Variants in FSTL1 observed in about 807,000 individuals in gnomAD.
FSTL1 encodes the protein follistatin like 1, also known as follistatin-related protein 1.
A neutral mutation model predicts 45.9 loss-of-function variants in FSTL1; 24 were observed. That is an observed-to-expected ratio of 0.52 (90% CI 0.38 to 0.74). The LOEUF is 0.74. FSTL1 is among the 30% of genes least tolerant of loss of function. The pLI is 0.00. For missense variants in FSTL1, 340 were observed against 381.8 expected (o/e 0.89, Z 0.91); for synonymous variants, 120 against 137.6 (o/e 0.87, Z 0.89).
chr3:120,436,300 T>C (rs1937558172), intron 2 of FSTL1, among the ~76,000 whole-genome samples: 1 of 152,164 alleles, frequency 6.6e-6, no homozygotes, highest in Admixed American at 6.5e-5. Flanking sequence ...GTACTGAAAT[T>C]ATTATACCCA....
chr3:120,397,021 C>T (rs150872189), intron 10 of FSTL1, 25 bp from the exon 11 acceptor site: 20 of 1,579,868 alleles, frequency 1.3e-5, no homozygotes, highest in East Asian at 1.1e-4. Context: ...AGAAAATAGG[C>T]GTCATGGAAA....
chr3:120,446,733 T>A (rs1436879547), intron 2 of FSTL1, among the ~76,000 whole-genome samples: 1 of 152,162 alleles, frequency 6.6e-6, no homozygotes, highest in Non-Finnish European at 1.5e-5. Context: ...CTCCCAAATA[T>A]AACCCCTAGT....
At chr3:120,427,333 G>T (rs2107664178) in intron 2 of FSTL1, among the ~76,000 whole-genome samples, 1 of 152,212 alleles carries the variant, frequency 6.6e-6, no homozygotes, top group African/African-American at 2.4e-5. Flanking sequence ...CTGACTGTGT[G>T]GATTTTGTCT....
rs565515772 is a variant in FSTL1 at position 120,420,878 on chromosome 3, T to C, written c.64-4851A>G. On this transcript the variant is annotated intron_variant, in intron 2 of 10. Transcript: ENST00000295633. Reference sequence around the variant, plus strand: ...CTCCAGACTTTAATCCCAGCCTCTTTCCACTAAACCACTCTACCTCTTTAC... The same window carrying C: ...CTCCAGACTTTAATCCCAGCCTCTTCCCACTAAACCACTCTACCTCTTTAC... 5.9e-5 allele frequency among the ~76,000 whole-genome samples: 9 copies of C among 152,336 alleles called. No individual in the cohort carries two copies. In the South Asian group the frequency reaches 1.9e-3, roughly 32 times the overall value.
chr3:120,431,383 T>C (rs1203468203), intron 2 of FSTL1, among the ~76,000 whole-genome samples: 2 of 152,204 alleles, frequency 1.3e-5, no homozygotes, highest in Non-Finnish European at 2.9e-5. Flanking sequence ...ATCAATAATA[T>C]GGAGATATTT....
Position 120,441,970 on chromosome 3 carries a change from A to T in FSTL1, c.63+8714T>A, listed in dbSNP as rs188065552. On this transcript the variant is annotated intron_variant, in intron 2 of 10. Coordinates refer to ENST00000295633, the MANE Select transcript of FSTL1 (RefSeq NM_007085.5). The stretch of plus-strand genomic sequence containing the variant: ...TCTGAGCGCTAAGCCATTATGTTAT[A>T]CTTCCTCTCGAGGAAAAATCAGTAA... Among the ~76,000 whole-genome samples the T allele has an allele frequency of 2.6e-4, 40 of 152,328 alleles. 2 individuals are homozygous for T. Among genetic ancestry groups the T allele is most frequent in the Admixed American group, 2.3e-3 (35 of 15,306 alleles).
At chr3:120,437,585 T>A (rs1487697556) in intron 2 of FSTL1, among the ~76,000 whole-genome samples, 1 of 152,160 alleles carries the variant, frequency 6.6e-6, no homozygotes, top group Non-Finnish European at 1.5e-5. Flanking sequence ...TGTGTGTGCA[T>A]GTCTCCTTGT....
intron 9 of FSTL1, 28 bp downstream of exon 9, chr3:120,402,780 T>C (rs1936851217): frequency 7.5e-7 from 1 of 1,325,856 alleles, no homozygotes; most frequent in South Asian, 1.2e-5. Context: ...CCTTGCTGTT[T>C]TTTCTTTCTG....
At position 120,395,342 on chromosome 3, in the gene FSTL1, A is replaced by G; in HGVS notation, c.*1610T>C. 1 of 262,228 alleles carries G rather than the reference A, an allele frequency of 3.8e-6. No homozygotes were observed. The highest frequency in any genetic ancestry group is 4.1e-5 in the South Asian group (1 of 24,606). 16.2% of individuals were successfully genotyped at this position (262,228 alleles called of 1,614,324 possible). A position where few individuals can be genotyped will look rare whatever the true frequency, so the allele number is the denominator to read the frequency against. ...GGTAGTGAGTGGGGTTAATAATCAC[A>G]GAAGTCGAAAGACACAGGACTAACT... On this transcript the variant is annotated 3_prime_UTR_variant, in exon 11 of 11. Transcript: ENST00000295633.
intron 2 of FSTL1, among the ~76,000 whole-genome samples, chr3:120,435,630 A>G (rs939005062): frequency 6.6e-6 from 1 of 152,232 alleles, no homozygotes; most frequent in South Asian, 2.1e-4. Flanking sequence ...CTGAGCCCCA[A>G]ATACATGCAC....
chr3:120,422,360 G>GT (rs1253864239), intron 2 of FSTL1, among the ~76,000 whole-genome samples: 4 of 152,156 alleles, frequency 2.6e-5, no homozygotes, highest in Non-Finnish European at 4.4e-5. Context: ...ACACAAAATG[G>GT]TAACTATGTA....
At position 120,433,290 on chromosome 3, in the gene FSTL1, A is replaced by C. The variant is rs113737216; in HGVS notation, c.64-17263T>G. 1.8e-3 allele frequency among the ~76,000 whole-genome samples: 271 copies of C among 152,322 alleles called. 2 individuals carry two copies. The highest frequency in any genetic ancestry group is 6.4e-3 in the African/African-American group (267 of 41,572). On this transcript the variant is annotated intron_variant, in intron 2 of 10. Transcript: ENST00000295633. ...AGACTTAGAATCCAGGTGTCTGATT[A>C]AGCAAGCCCAGCACTACTATCATGT...
intron 2 of FSTL1, among the ~76,000 whole-genome samples, chr3:120,422,914 C>T (rs1187190307): frequency 6.6e-6 from 1 of 152,136 alleles, no homozygotes; most frequent in Non-Finnish European, 1.5e-5. Flanking sequence ...AGGCTGGTCT[C>T]GAATTCCTGA....
At chr3:120,413,964 G>A (rs1290738179) in intron 3 of FSTL1, among the ~76,000 whole-genome samples, 1 of 152,004 alleles carries the variant, frequency 6.6e-6, no homozygotes, top group Admixed American at 6.5e-5. Context: ...ACTGGTTTTG[G>A]TGGAGACGGG....
rs755090190 is a variant in FSTL1 at position 120,403,380 on chromosome 3, G to A, written c.582-26C>T. On this transcript the variant is annotated intron_variant, in intron 7 of 10. Coordinates refer to ENST00000295633, the MANE Select transcript of FSTL1 (RefSeq NM_007085.5). The stretch of plus-strand genomic sequence containing the variant: ...CTGAAACAAAACACAGGAGAAATGT[G>A]TTAGCAAGACCTCAGCTTCGCTCAG... The A allele has an allele frequency of 3.3e-5, 44 of 1,344,256 alleles. No homozygotes were observed. In the South Asian group the frequency reaches 5.1e-4, roughly 16 times the overall value. 83.3% of individuals were successfully genotyped at this position (1,344,256 alleles called of 1,614,324 possible).
At chr3:120,434,952 C>T (rs1476647764) in intron 2 of FSTL1, among the ~76,000 whole-genome samples, 5 of 152,208 alleles carry the variant, frequency 3.3e-5, no homozygotes, top group African/African-American at 1.2e-4. Flanking sequence ...GGCACGGTGG[C>T]TCATGCCTAT....
intron 6 of FSTL1, among the ~76,000 whole-genome samples, chr3:120,409,231 T>C (rs1182309658): frequency 6.6e-6 from 1 of 152,216 alleles, no homozygotes; most frequent in African/African-American, 2.4e-5. Context: ...TAAGGTGTCA[T>C]GGCGAGTAGG....
At chr3:120,433,203 C>G (rs1733299) in intron 2 of FSTL1, among the ~76,000 whole-genome samples, 90,728 of 152,074 alleles carry the variant, frequency 0.6, 29,972 homozygotes, top group East Asian at 0.79. Flanking sequence ...TGGAAGGAAA[C>G]AATAAAAATA....
chr3:120,442,788 GAAAAAAAA>G (rs749297340), intron 2 of FSTL1, among the ~76,000 whole-genome samples: 1 of 53,264 alleles, frequency 1.9e-5, no homozygotes, highest in South Asian at 7.2e-4. Context: ...TCTCAAAAAA[GAAAAAAAA>G]AAAAAAAAAA....
Sources: gnomAD v4.1 joint callset for allele counts (sites outside exome capture counted in the v4.1 genomes callset) on GRCh38, gnomAD v4.1.1 for gene constraint, MANE v1.5 for transcripts, NCBI Gene and HGNC (gene_info 2026-07-23, HGNC 2026-07-21) for gene names.